Variants in PHLDB2 observed in about 807,000 individuals in gnomAD.
The protein encoded by PHLDB2 is pleckstrin homology like domain family B member 2, also known as pleckstrin homology-like domain family B member 2.
A neutral mutation model predicts 123.6 loss-of-function variants in PHLDB2; 71 were observed. The ratio of observed to expected loss-of-function variants is 0.57; its 90% CI spans 0.47 to 0.70. The LOEUF is 0.70. Ranked by LOEUF, PHLDB2 falls within the 30% of genes least tolerant of loss-of-function variation. The probability of loss-of-function intolerance (pLI) is 0.00; values close to 1 mark genes in which losing one functional copy is unlikely to be tolerated. For synonymous variants in PHLDB2, 547 were observed against 541.6 expected (o/e 1.01, Z -0.14); for missense variants, 1,446 against 1,519.5 (o/e 0.95, Z 0.80).
chr3:111,865,254 C>T (rs2065012536), intron 1 of PHLDB2, among the ~76,000 whole-genome samples: 1 of 152,146 alleles, frequency 6.6e-6, no homozygotes, highest in Admixed American at 6.6e-5. Context: ...GCAGACAAAA[C>T]CTTTCTTATA....
At chr3:111,874,303 C>A (rs1476243979) in intron 1 of PHLDB2, among the ~76,000 whole-genome samples, 1 of 152,182 alleles carries the variant, frequency 6.6e-6, no homozygotes, top group Non-Finnish European at 1.5e-5. Flanking sequence ...TTTAGGCATG[C>A]ATAGCAATTA....
At chr3:111,903,069 G>C (rs1280733842) in intron 2 of PHLDB2, among the ~76,000 whole-genome samples, 1 of 152,074 alleles carries the variant, frequency 6.6e-6, no homozygotes, top group African/African-American at 2.4e-5. Flanking sequence ...TAAAAACACA[G>C]GTGAGGAATT....
chr3:111,848,822 TA>T (rs1258549315), intron 2 of PHLDB2, among the ~76,000 whole-genome samples: 1 of 152,216 alleles, frequency 6.6e-6, no homozygotes, highest in Non-Finnish European at 1.5e-5. Context: ...TATTTACCAT[TA>T]TATTACAGTT....
chr3:111,966,800 T>C, intron 14 of PHLDB2, 97 bp downstream of exon 14: 1 of 855,664 alleles, frequency 1.2e-6, no homozygotes. Flanking sequence ...GAGCCGTGTG[T>C]TCCTGGAATA....
rs1001617914 is a variant in PHLDB2 at position 111,755,910 on chromosome 3, C to G, written c.-49+23207C>G. On this transcript the variant is annotated intron_variant, in intron 1 of 17. Transcript: ENST00000393923. ...ATTTCTGCCTTCATTTCATTATGTA[C>G]CCACTAGTCATTCAGGAGCAGGTTG... Among the ~76,000 whole-genome samples the G allele has an allele frequency of 8.0e-5, 12 of 150,844 alleles. 1 individual carries two copies. The highest frequency in any genetic ancestry group is 1.5e-4 in the Non-Finnish European group (10 of 67,800).
At chr3:111,948,815 C>A in intron 9 of PHLDB2, 117 bp from the exon 10 acceptor site, 2 of 860,958 alleles carry the variant, frequency 2.3e-6, no homozygotes, top group Non-Finnish European at 1.8e-6. Context: ...TTTGATAATA[C>A]CACAGATATC....
intron 1 of PHLDB2, among the ~76,000 whole-genome samples, chr3:111,777,950 C>T (rs10470303): frequency 0.37 from 56,302 of 151,702 alleles, 12,795 homozygotes; most frequent in Middle Eastern, 0.54. Flanking sequence ...TCTGGCAAAT[C>T]CAGACCATTT....
At chr3:111,971,655 C>G (rs2072193659) in intron 16 of PHLDB2, among the ~76,000 whole-genome samples, 1 of 152,138 alleles carries the variant, frequency 6.6e-6, no homozygotes, top group South Asian at 2.1e-4. Flanking sequence ...CCCTGCTTCT[C>G]ATACACAACA....
intron 2 of PHLDB2, among the ~76,000 whole-genome samples, chr3:111,895,902 A>ATT: frequency 2.0e-5 from 3 of 152,102 alleles, no homozygotes; most frequent in Admixed American, 1.3e-4. Flanking sequence ...CTATCTATTT[A>ATT]TATGGAGATA....
chr3:111,828,363 C>T (rs1267881500), intron 1 of PHLDB2, among the ~76,000 whole-genome samples: 2 of 152,224 alleles, frequency 1.3e-5, no homozygotes, highest in African/African-American at 4.8e-5. Flanking sequence ...TGACAGGGAA[C>T]TTCCAGTCTA....
upstream of PHLDB2, chr3:111,859,134 C>T (rs2064656729): frequency 1.0e-6 from 1 of 976,952 alleles, no homozygotes; most frequent in Non-Finnish European, 1.2e-6. Context: ...GGCGAACTGT[C>T]GGAAGGAGGT....
At chr3:111,744,520 T>C (rs2059652531) in intron 1 of PHLDB2, among the ~76,000 whole-genome samples, 1 of 152,206 alleles carries the variant, frequency 6.6e-6, no homozygotes, top group South Asian at 2.1e-4. Context: ...GGTTTGTTTA[T>C]AACAGCAAAT....
intron 5 of PHLDB2, among the ~76,000 whole-genome samples, chr3:111,928,507 T>C (rs1024268950): frequency 3.3e-5 from 5 of 152,198 alleles, no homozygotes; most frequent in Non-Finnish European, 7.3e-5. Flanking sequence ...TTAAAAGCTC[T>C]TCCACATTGT....
intron 2 of PHLDB2, among the ~76,000 whole-genome samples, chr3:111,852,101 T>C (rs1247862120): frequency 1.3e-5 from 2 of 152,012 alleles, no homozygotes; most frequent in Non-Finnish European, 2.9e-5. Context: ...CTAGGCAGTA[T>C]AAAACAGAGT....
chr3:111,793,526 C>G (rs2061020581), intron 1 of PHLDB2, among the ~76,000 whole-genome samples: 1 of 151,946 alleles, frequency 6.6e-6, no homozygotes, highest in African/African-American at 2.4e-5. Flanking sequence ...AGCTGATAAC[C>G]AAGTGCAAGA....
At chr3:111,875,820 C>CAAAAAAAAAAAAAAAGAAA (rs2065585459) in intron 1 of PHLDB2, among the ~76,000 whole-genome samples, 1 of 115,022 alleles carries the variant, frequency 8.7e-6, no homozygotes. Flanking sequence ...AAGACTGTCT[C>CAAAAAAAAAAAAAAAGAAA]AAAAAAAAAA....
At chr3:111,732,756 G>C (rs3821919) in intron 1 of PHLDB2, 1,047,756 of 1,433,038 alleles carry the variant, frequency 0.73, 385,274 homozygotes, top group East Asian at 0.91. Context: ...AAAATGAGCA[G>C]CATATACAGC....
At chr3:111,912,747 A>G (rs1345478749) in intron 2 of PHLDB2, among the ~76,000 whole-genome samples, 1 of 152,256 alleles carries the variant, frequency 6.6e-6, no homozygotes, top group African/African-American at 2.4e-5. Context: ...GTCAGTAGTG[A>G]TGAAAAAGCT....
chr3:111,804,091 C>T (rs1367918492), intron 1 of PHLDB2, among the ~76,000 whole-genome samples: 3 of 152,098 alleles, frequency 2.0e-5, no homozygotes, highest in Admixed American at 1.3e-4. Flanking sequence ...TCGTCCTCTC[C>T]TCCATGAGAT....
Sources: gnomAD v4.1 joint callset for allele counts (sites outside exome capture counted in the v4.1 genomes callset) on GRCh38, gnomAD v4.1.1 for gene constraint, MANE v1.5 for transcripts, NCBI Gene and HGNC (gene_info 2026-07-23, HGNC 2026-07-21) for gene names.